Variants in GRM5 observed in about 807,000 individuals in gnomAD.
GRM5 encodes the protein metabotropic glutamate receptor 5.
GRM5 carries 19 observed loss-of-function variants against 83.1 expected under a neutral mutation model. The observed-to-expected ratio is 0.23, with a 90% confidence interval of 0.16 to 0.34. GRM5 has a LOEUF of 0.34. Among genes scored for constraint, GRM5 ranks in the 10% least tolerant of loss-of-function variants. The pLI is 1.00. For synonymous variants in GRM5, 675 were observed against 633.6 expected (o/e 1.07, Z -0.98); for missense variants, 1,160 against 1,588.3 (o/e 0.73, Z 4.58).
intron 3 of GRM5, among the ~76,000 whole-genome samples, chr11:88,737,149 C>A (rs996390047): frequency 6.6e-6 from 1 of 152,054 alleles, no homozygotes; most frequent in Non-Finnish European, 1.5e-5. Flanking sequence ...GAAAAGATTT[C>A]ATGTCTTCAA....
chr11:88,515,235 G>A (rs774542914), intron 9 of GRM5, among the ~76,000 whole-genome samples: 22 of 152,084 alleles, frequency 1.4e-4, no homozygotes, highest in Non-Finnish European at 2.9e-4. Flanking sequence ...ATTGTGTTGA[G>A]TCATCACAGA....
intron 7 of GRM5, among the ~76,000 whole-genome samples, chr11:88,574,990 T>C (rs1012421216): frequency 1.6e-4 from 24 of 149,314 alleles, no homozygotes; most frequent in Admixed American, 8.6e-4. Context: ...CTTTTCTTTT[T>C]TTTTTTTTTT....
At chr11:88,710,988 C>T (rs763454350) in intron 3 of GRM5, among the ~76,000 whole-genome samples, 2 of 151,904 alleles carry the variant, frequency 1.3e-5, no homozygotes, top group African/African-American at 2.4e-5. Flanking sequence ...ATGGGACACT[C>T]AGGTTAAAAC....
Position 88,567,967 on chromosome 11 carries a change from A to G in GRM5, c.1716T>C (p.Tyr572=), listed in dbSNP as rs1942907971. The change falls in exon 8 of 10, where the codon TAT becomes TAC. Residue 572 remains tyrosine (Y), a synonymous_variant. Coordinates refer to ENST00000305447, the MANE Select transcript of GRM5 (RefSeq NM_001143831.3). The surrounding 1 kb of genome is among the most constrained non-coding windows in gnomAD (Gnocchi z 7.3). ...TGGGTTCAGGGTCACCCCATCGAAG[A>G]TACTGTACTGGGATCAAGTCACAAC... ...LTGCDLIPVQ[Y]LRWGDPEPIA... is the part of the protein sequence containing the mutation. The G allele has an allele frequency of 1.2e-6, 2 of 1,613,506 alleles. No homozygotes were observed. The highest frequency in any genetic ancestry group is 1.7e-6 in the Non-Finnish European group (2 of 1,179,598).
chr11:88,533,063 C>T (rs371296827), intron 8 of GRM5, among the ~76,000 whole-genome samples: 2 of 152,288 alleles, frequency 1.3e-5, no homozygotes, highest in East Asian at 3.9e-4. Flanking sequence ...CTCCACCCAG[C>T]AAGCAGAATA....
intron 2 of GRM5, among the ~76,000 whole-genome samples, chr11:88,876,455 T>A (rs192008904): frequency 3.3e-4 from 50 of 152,250 alleles, no homozygotes; most frequent in African/African-American, 1.1e-3. Flanking sequence ...ATTCTTATAA[T>A]TTGTGTGTTC....
intron 3 of GRM5, among the ~76,000 whole-genome samples, chr11:88,658,708 TA>T (rs1270754066): frequency 6.6e-6 from 1 of 152,152 alleles, no homozygotes; most frequent in Non-Finnish European, 1.5e-5. Context: ...GTATGGATAA[TA>T]GAGTGATACC....
chr11:88,795,770 G>A (rs1943263971), intron 3 of GRM5, among the ~76,000 whole-genome samples: 1 of 152,110 alleles, frequency 6.6e-6, no homozygotes, highest in Non-Finnish European at 1.5e-5. Flanking sequence ...TTCAGCCTAT[G>A]TTCATAACCA....
intron 2 of GRM5, among the ~76,000 whole-genome samples, chr11:88,906,982 T>C (rs316091): frequency 0.96 from 146,475 of 152,112 alleles, 70,572 homozygotes; most frequent in East Asian, 0.99. Context: ...CCTAGCTATT[T>C]GAAGCAGTTA....
chr11:88,667,577 T>C (rs1940075654), intron 3 of GRM5, among the ~76,000 whole-genome samples: 1 of 152,032 alleles, frequency 6.6e-6, no homozygotes, highest in East Asian at 1.9e-4. Context: ...TTATGGAGAA[T>C]TGCTTAAAAA....
chr11:88,520,414 C>G (rs1941649342), intron 9 of GRM5, among the ~76,000 whole-genome samples: 1 of 152,160 alleles, frequency 6.6e-6, no homozygotes, highest in Admixed American at 6.6e-5. Context: ...ATGCCTTACA[C>G]TTTCTGAATA....
chr11:88,918,369 C>A (rs1945631468), intron 2 of GRM5, among the ~76,000 whole-genome samples: 1 of 151,876 alleles, frequency 6.6e-6, no homozygotes, highest in African/African-American at 2.4e-5. Flanking sequence ...CAGCATGGCA[C>A]ATGTATACAT....
At chr11:88,848,861 A>G (rs1944342045) in intron 3 of GRM5, among the ~76,000 whole-genome samples, 1 of 152,296 alleles carries the variant, frequency 6.6e-6, no homozygotes, top group East Asian at 1.9e-4. Context: ...TCTAATATGG[A>G]TGGACTTCAA....
intron 3 of GRM5, among the ~76,000 whole-genome samples, chr11:88,664,687 T>G (rs1247866717): frequency 6.6e-6 from 1 of 152,114 alleles, no homozygotes; most frequent in African/African-American, 2.4e-5. Context: ...CCTCAGGTGA[T>G]CCACCTGCCT....
Position 88,895,826 on chromosome 11 carries a change from G to A in GRM5, c.662-45671C>T, listed in dbSNP as rs139495923. On this transcript the variant is annotated intron_variant, in intron 2 of 9. Coordinates refer to ENST00000305447, the MANE Select transcript of GRM5 (RefSeq NM_001143831.3). ...AGAATTAAGGTCTGTGTGATCAAATGTAATTCAACAAATGTTTATTGCACC... is the reference window on the plus strand; with the variant it reads ...AGAATTAAGGTCTGTGTGATCAAATATAATTCAACAAATGTTTATTGCACC... 3.3e-3 allele frequency among the ~76,000 whole-genome samples: 509 copies of A among 152,074 alleles called. 1 individual carries two copies. The highest frequency in any genetic ancestry group is 0.012 in the African/African-American group (493 of 41,526).
chr11:89,017,783 C>A (rs1479435859), intron 2 of GRM5, among the ~76,000 whole-genome samples: 1 of 152,104 alleles, frequency 6.6e-6, no homozygotes, highest in African/African-American at 2.4e-5. Flanking sequence ...GTTTCTATTC[C>A]AGAAGGAAAA....
At chr11:88,934,600 C>T (rs979824332) in intron 2 of GRM5, among the ~76,000 whole-genome samples, 8 of 151,738 alleles carry the variant, frequency 5.3e-5, no homozygotes, top group African/African-American at 1.9e-4. Context: ...AGTTGTACAT[C>T]GTGATTTAAT....
At chr11:88,601,364 C>A (rs938105639) in intron 5 of GRM5, among the ~76,000 whole-genome samples, 8 of 152,120 alleles carry the variant, frequency 5.3e-5, no homozygotes, top group African/African-American at 1.9e-4. Context: ...TTCTTTCCTG[C>A]CCTATTTTGG....
intron 2 of GRM5, among the ~76,000 whole-genome samples, chr11:89,002,829 A>G (rs908500321): frequency 2.0e-5 from 3 of 152,050 alleles, no homozygotes; most frequent in African/African-American, 7.2e-5. Flanking sequence ...CCAGAGAGCC[A>G]CCTAGGGAGC....
Sources: gnomAD v4.1 joint callset for allele counts (sites outside exome capture counted in the v4.1 genomes callset) on GRCh38, gnomAD v4.1.1 for gene constraint, Gnocchi (gnomAD v3.1) non-coding constraint, MANE v1.5 for transcripts, NCBI Gene and HGNC (gene_info 2026-07-23, HGNC 2026-07-21) for gene names.